Variants in PRDM4 observed in about 807,000 individuals in gnomAD.
PRDM4 encodes PR domain zinc finger protein 4.
PRDM4 carries 38 observed loss-of-function variants against 62.3 expected under a neutral mutation model. The observed-to-expected ratio is 0.61, with a 90% CI of 0.47 to 0.80. The LOEUF is 0.80. Among genes scored for constraint, PRDM4 ranks in the 30% least tolerant of loss-of-function variants. The pLI, the probability that PRDM4 is intolerant of heterozygous loss-of-function variation, is 0.00. For missense variants in PRDM4, 858 were observed against 997.1 expected (o/e 0.86, Z 1.88); for synonymous variants, 339 against 348.2 (o/e 0.97, Z 0.30).
chr12:107,739,671 A>G, intron 10 of PRDM4, 120 bp from the exon 11 acceptor site: 2 of 1,023,838 alleles, frequency 2.0e-6, no homozygotes, highest in Non-Finnish European at 2.8e-6. Flanking sequence ...ACTGGTAAGC[A>G]GCATTTTACT....
chr12:107,749,453 T>G (rs1488844295), intron 5 of PRDM4, among the ~76,000 whole-genome samples: 2 of 151,068 alleles, frequency 1.3e-5, no homozygotes, highest in African/African-American at 2.4e-5. Flanking sequence ...AGGCTGATCT[T>G]GAACTCCTGG....
intron 4 of PRDM4, among the ~76,000 whole-genome samples, chr12:107,753,415 G>GA (rs35541399): frequency 0.29 from 44,177 of 150,394 alleles, 8,152 homozygotes; most frequent in Middle Eastern, 0.42. Context: ...AGCAAGAGAA[G>GA]AAACCGTGGT....
intron 11 of PRDM4, among the ~76,000 whole-genome samples, chr12:107,737,784 A>G (rs1407754662): frequency 6.6e-6 from 1 of 152,122 alleles, no homozygotes; most frequent in Non-Finnish European, 1.5e-5. Context: ...CCTAGCACCA[A>G]TTGTTGTTTT....
chr12:107,749,061 T>G (rs1449467620), intron 5 of PRDM4, among the ~76,000 whole-genome samples: 1 of 152,210 alleles, frequency 6.6e-6, no homozygotes, highest in Non-Finnish European at 1.5e-5. Flanking sequence ...CCTCCTATTT[T>G]TGATGCTCCC....
chr12:107,747,717 C>T (rs968714243), intron 5 of PRDM4, among the ~76,000 whole-genome samples: 22 of 152,086 alleles, frequency 1.4e-4, no homozygotes, highest in African/African-American at 5.3e-4. Flanking sequence ...TACTATTACT[C>T]AATCATTACA....
At chr12:107,746,447 A>T in intron 5 of PRDM4, 23 bp from the exon 6 acceptor site, 1 of 1,537,406 alleles carries the variant, frequency 6.5e-7, no homozygotes, top group Non-Finnish European at 8.8e-7. Flanking sequence ...AATTTGAGCA[A>T]TACAAATGGG....
intron 3 of PRDM4, among the ~76,000 whole-genome samples, chr12:107,756,605 G>A (rs2136334427): frequency 6.6e-6 from 1 of 152,206 alleles, no homozygotes; most frequent in African/African-American, 2.4e-5. Flanking sequence ...ACTCAGAAGA[G>A]GACTATCAGA....
intron 5 of PRDM4, 84 bp from the exon 6 acceptor site, chr12:107,746,508 C>T (rs1362519479): frequency 7.9e-7 from 1 of 1,258,682 alleles, no homozygotes; most frequent in East Asian, 2.6e-5. Context: ...TTTTTTGAGA[C>T]AAAGTCTTGC....
Position 107,751,443 on chromosome 12 carries a change from C to G in PRDM4, c.1098G>C (p.Lys366Asn). The change falls in exon 5 of 12, where the codon AAG becomes AAC. Residue 366 changes from lysine (K) to asparagine (N), a missense_variant. Coordinates refer to ENST00000228437, the MANE Select transcript of PRDM4 (RefSeq NM_012406.4). ...SLQMEDSNSN[K>N]ENMATLFTIW... ...TTGTAAACAAGGTTGCCATGTTCTC[C>G]TTGTTTGAATTGGAGTCTTCCATTT... is the stretch of plus-strand genomic sequence containing the variant. 6.2e-7 allele frequency: 1 copy of G among 1,607,980 alleles called. No homozygotes were observed. Among genetic ancestry groups the G allele is most frequent in the Non-Finnish European group, 8.5e-7 (1 of 1,174,804 alleles).
Position 107,742,312 on chromosome 12 carries a change from A to T in PRDM4, c.1518T>A (p.His506Gln), listed in dbSNP as rs749184389. ...REEQNLVAYP[H>Q]DGKIFFCTSQ... ...AGGTGCAGAAAAAGATTTTTCCATCATGAGGATAAGCCACCAAATTCTGCT... is the reference window on the plus strand; with the variant it reads ...AGGTGCAGAAAAAGATTTTTCCATCTTGAGGATAAGCCACCAAATTCTGCT... The change falls in exon 9 of 12, where the codon CAT becomes CAA. Residue 506 changes from histidine (H) to glutamine (Q), a missense_variant. Physicochemically the swap from His to Gln is conservative, Grantham distance 24. This residue lies in a region of PRDM4 where 355 missense variants were observed against 432.6 expected (regional missense o/e 0.82). Transcript: ENST00000228437. The T allele has an allele frequency of 6.2e-7, 1 of 1,613,732 alleles. No homozygotes were observed. The highest frequency in any genetic ancestry group is 1.1e-5 in the South Asian group (1 of 91,074).
intron 8 of PRDM4, 73 bp from the exon 9 acceptor site, chr12:107,742,421 C>CA: frequency 6.7e-7 from 1 of 1,502,284 alleles, no homozygotes; most frequent in Non-Finnish European, 9.2e-7. Context: ...TCCCCCATTG[C>CA]AAAATCCTAT....
In PRDM4 at chr12:107,760,589, G is replaced by A. The variant is rs1891213362; in HGVS notation, c.-74C>T. 6.3e-6 allele frequency: 10 copies of A among 1,575,134 alleles called. No individual in the cohort carries two copies. The highest frequency in any genetic ancestry group is 5.3e-5 in the Admixed American group (3 of 56,624). ...CAGGCATCAGGGTTTGCGTTCCAGGGTCACGTGCTACCACATCTTGCTCAC... is the reference window on the plus strand; with the variant it reads ...CAGGCATCAGGGTTTGCGTTCCAGGATCACGTGCTACCACATCTTGCTCAC... On this transcript the variant is annotated 5_prime_UTR_variant, in exon 2 of 12. Transcript: ENST00000228437.
In PRDM4 at chr12:107,760,623, C is replaced by A; in HGVS notation, c.-108G>T. ...TACCACATCTTGCTCACAACCGCTG[C>A]ACCGACGCGGCCACTCGTCCCCGGG... is the stretch of plus-strand genomic sequence containing the variant. On this transcript the variant is annotated 5_prime_UTR_variant, in exon 2 of 12. Coordinates refer to ENST00000228437, the MANE Select transcript of PRDM4 (RefSeq NM_012406.4). 1 of 1,415,814 alleles carries A rather than the reference C, an allele frequency of 7.1e-7. No homozygotes were observed. The highest frequency in any genetic ancestry group is 2.2e-5 in the Admixed American group (1 of 44,868). 87.7% of individuals were successfully genotyped at this position (1,415,814 alleles called of 1,614,324 possible).
rs1394263385 is a variant in PRDM4, at chr12:107,756,896, C to A, written c.81G>T (p.Leu27Phe). The change falls in exon 3 of 12, where the codon TTG becomes TTT. Residue 27 changes from leucine (L) to phenylalanine (F), a missense_variant. Coordinates refer to ENST00000228437, the MANE Select transcript of PRDM4 (RefSeq NM_012406.4). ...ATCCCAGGTGACTTCCTGAGACTGG[C>A]AAGGCATTGCTCACAGAGGATGAAG... The part of the protein sequence containing the change: ...QLTSSSVSNA[L>F]PVSGSHLGLA... 1.2e-6 allele frequency: 2 copies of A among 1,614,156 alleles called. No individual in the cohort carries two copies. The highest frequency in any genetic ancestry group is 8.5e-7 in the Non-Finnish European group (1 of 1,180,030).
chr12:107,743,276 G>T lies in PRDM4; in HGVS notation c.1402C>A (p.His468Asn). The change falls in exon 8 of 12, where the codon CAC becomes AAC. Residue 468 changes from histidine (H) to asparagine (N), a missense_variant. Physicochemically the swap from His to Asn is moderately conservative, Grantham distance 68. Around this residue, in one of 3 missense-constraint regions of PRDM4, gnomAD observed 355 missense variants for 432.6 expected, o/e 0.82. Transcript: ENST00000228437. ...KAVNHIWKIY[H>N]NGVLEFCIIT... ...ATGCAGAATTCTAGGACACCATTGT[G>T]GTATATCTGCCAACAGAAAGCAAGC... 1 of 1,609,002 alleles carries T rather than the reference G, an allele frequency of 6.2e-7. No individual in the cohort carries two copies. The highest frequency in any genetic ancestry group is 8.5e-7 in the Non-Finnish European group (1 of 1,175,604).
At chr12:107,739,773 C>T in intron 10 of PRDM4, 1 of 372,050 alleles carries the variant, frequency 2.7e-6, no homozygotes. Flanking sequence ...CCTTTAGGAC[C>T]TCTGACCTAA....
At chr12:107,755,913 C>T (rs1054350203) in intron 3 of PRDM4, among the ~76,000 whole-genome samples, 5 of 152,102 alleles carry the variant, frequency 3.3e-5, no homozygotes, top group Non-Finnish European at 5.9e-5. Flanking sequence ...GGTGAAACCC[C>T]GTTTCTACTA....
At chr12:107,746,576 C>G in intron 5 of PRDM4, 152 bp from the exon 6 acceptor site, 4 of 618,140 alleles carry the variant, frequency 6.5e-6, no homozygotes, top group Non-Finnish European at 7.8e-6. Flanking sequence ...CCTCTGCCTC[C>G]CGGGTATAAG....
rs1246311260 is a variant in PRDM4 at position 107,733,288 on chromosome 12, T to A, written c.*922A>T. 6.6e-6 allele frequency: 1 copy of A among 152,288 alleles called. No homozygotes were observed. Among genetic ancestry groups the A allele is most frequent in the Non-Finnish European group, 1.5e-5 (1 of 68,054 alleles). 9.4% of individuals were successfully genotyped at this position (152,288 alleles called of 1,614,324 possible). A position where few individuals can be genotyped will look rare whatever the true frequency, so the allele number is the denominator to read the frequency against. On this transcript the variant is annotated 3_prime_UTR_variant, in exon 12 of 12. Transcript: ENST00000228437. Reference sequence around the variant, plus strand: ...ATGTTATTTTGAGTTGGCAATGTTTTAACACTTTTCATAAGGTAAATGAAA... The same window carrying A: ...ATGTTATTTTGAGTTGGCAATGTTTAAACACTTTTCATAAGGTAAATGAAA...
Sources: allele counts gnomAD v4.1 joint callset (sites outside exome capture counted in the v4.1 genomes callset), GRCh38; gene constraint gnomAD v4.1.1; regional missense constraint gnomAD v4.1.1; transcripts MANE v1.5; gene names NCBI Gene and HGNC (gene_info 2026-07-23, HGNC 2026-07-21).